ITPK1: variants seen among roughly 807,000 people sequenced by gnomAD.
ITPK1 encodes inositol 1,3,4-trisphosphate 5/6-kinase.
A neutral mutation model predicts 45.3 loss-of-function variants in ITPK1; 21 were observed. The observed-to-expected ratio is 0.46, with a 90% CI of 0.33 to 0.67. The LOEUF is 0.67. ITPK1 is among the 30% of genes least tolerant of loss of function. The pLI, the probability that ITPK1 is intolerant of heterozygous loss-of-function variation, is 0.02. For missense variants in ITPK1, 474 were observed against 573.5 expected (o/e 0.83, Z 1.77); for synonymous variants, 258 against 253.6 (o/e 1.02, Z -0.16).
intron 5 of ITPK1, among the ~76,000 whole-genome samples, chr14:92,973,927 T>C (rs928346378): frequency 6.6e-6 from 1 of 152,188 alleles, no homozygotes; most frequent in Non-Finnish European, 1.5e-5. Context: ...GCTGGAGGGC[T>C]CCAGGCATTC....
rs1047512088 is a variant in ITPK1, at chr14:93,017,504, C to T, written c.121-703G>A. Reference sequence around the variant, plus strand: ...AGATCAGGCCCCAAGAGAGCCAGAGCCTCTGGCCAACAGTCAGCGTCACCT... The same window carrying T: ...AGATCAGGCCCCAAGAGAGCCAGAGTCTCTGGCCAACAGTCAGCGTCACCT... On this transcript the variant is annotated intron_variant, in intron 3 of 10. Transcript: ENST00000267615. Among the ~76,000 whole-genome samples, 15 of 152,360 alleles carry T rather than the reference C, an allele frequency of 9.8e-5. No homozygotes were observed. The East Asian group carries it at 1.7e-3, about 18-fold the overall frequency.
At chr14:93,067,661 G>C (rs1389559103) in intron 3 of ITPK1, 1 of 152,056 alleles carries the variant, frequency 6.6e-6, no homozygotes, top group Non-Finnish European at 1.5e-5. Flanking sequence ...TCCCCACGCT[G>C]TCTTCCAAAA....
In ITPK1 at chr14:92,968,321, C is replaced by G. The variant is rs554099834; in HGVS notation, c.365-5472G>C. On this transcript the variant is annotated intron_variant, in intron 5 of 10. Transcript: ENST00000267615. ...ACTCCAGCCTGGTAACAGAGCGAGACTCTGTCTCAAAAAAAAAATAGAAAG... is the reference window on the plus strand; with the variant it reads ...ACTCCAGCCTGGTAACAGAGCGAGAGTCTGTCTCAAAAAAAAAATAGAAAG... Among the ~76,000 whole-genome samples, 5 of 151,818 alleles carry G rather than the reference C, an allele frequency of 3.3e-5. No homozygotes were observed. In the East Asian group the frequency reaches 7.7e-4, roughly 23 times the overall value.
chr14:93,004,967 C>T lies in ITPK1; in HGVS notation c.247-10970G>A, dbSNP rs540870813. Among the ~76,000 whole-genome samples, 479 of 152,042 alleles carry T rather than the reference C, an allele frequency of 3.2e-3. 3 individuals carry two copies. The highest frequency in any genetic ancestry group is 5.8e-3 in the Non-Finnish European group (391 of 67,992). ...TGCTGGGGGCCTGGCAGGGCTGGGG[C>T]GGACGGCAGTCTCAACATGAAAAGT... On this transcript the variant is annotated intron_variant, in intron 4 of 10. Coordinates refer to ENST00000267615, the MANE Select transcript of ITPK1 (RefSeq NM_014216.6).
rs1887208985 is a variant in ITPK1 at position 92,938,355 on chromosome 14, A to G, written c.*3206T>C. 3 of 737,592 alleles carry G rather than the reference A, an allele frequency of 4.1e-6. No homozygotes were observed. Among genetic ancestry groups the G allele is most frequent in the African/African-American group, 3.5e-5 (2 of 57,874 alleles). 45.7% of individuals were successfully genotyped at this position (737,592 alleles called of 1,614,324 possible). ...GGCCAGTGGCCAATGTGAGTGCCCA[A>G]GAGCCAAGAACTGGTCTTCCAGGCT... On this transcript the variant is annotated 3_prime_UTR_variant, in exon 11 of 11. Transcript: ENST00000267615.
chr14:93,037,962 T>C (rs1420493075), intron 3 of ITPK1, among the ~76,000 whole-genome samples: 1 of 152,258 alleles, frequency 6.6e-6, no homozygotes, highest in Non-Finnish European at 1.5e-5. Context: ...TTAATATTTA[T>C]CTTTGCTAAA....
At chr14:92,966,057 C>T (rs1041659291) in intron 5 of ITPK1, among the ~76,000 whole-genome samples, 5 of 152,214 alleles carry the variant, frequency 3.3e-5, no homozygotes, top group East Asian at 1.9e-4. Context: ...ACTCAGTTGC[C>T]TAAGCTAGAG....
chr14:93,030,287 C>CA (rs1205650879), intron 3 of ITPK1, among the ~76,000 whole-genome samples: 11 of 152,176 alleles, frequency 7.2e-5, no homozygotes, highest in African/African-American at 2.7e-4. Context: ...GCCCTTTATC[C>CA]AAAATGTAAA....
At position 92,940,887 on chromosome 14, in the gene ITPK1, G is replaced by A. The variant is rs1430278174; in HGVS notation, c.*674C>T. 9 of 1,288,642 alleles carry A rather than the reference G, an allele frequency of 7.0e-6. No homozygotes were observed. The highest frequency in any genetic ancestry group is 6.1e-5 in the African/African-American group (4 of 65,958). 79.8% of individuals were successfully genotyped at this position (1,288,642 alleles called of 1,614,324 possible). A position where few individuals can be genotyped will look rare whatever the true frequency, so the allele number is the denominator to read the frequency against. ...ACCGCTGTGCAGGGCTAAATGGGAC[G>A]TGTGTTGGGGGGCCCAGAGGACGCC... On this transcript the variant is annotated 3_prime_UTR_variant, in exon 11 of 11. Coordinates refer to ENST00000267615, the MANE Select transcript of ITPK1 (RefSeq NM_014216.6).
chr14:93,101,965 T>C (rs1892338901), intron 2 of ITPK1, among the ~76,000 whole-genome samples: 1 of 152,224 alleles, frequency 6.6e-6, no homozygotes, highest in South Asian at 2.1e-4. Context: ...GGCATGAAGC[T>C]AGAGCTCCAG....
chr14:92,954,519 C>T (rs1311670692), intron 8 of ITPK1, among the ~76,000 whole-genome samples: 1 of 152,228 alleles, frequency 6.6e-6, no homozygotes, highest in Non-Finnish European at 1.5e-5. Context: ...GCAGTCTGTT[C>T]CTGGACTAGC....
rs951807033 is a variant in ITPK1, at chr14:93,113,249, A to G, written c.95+1820T>C. On this transcript the variant is annotated intron_variant, in intron 2 of 10. Transcript: ENST00000267615. Reference sequence around the variant, plus strand: ...ATGCTCTACTCCCCAGAACGTTGATAGCATAGCTTGCTCTGAACCTCCCAC... The same window carrying G: ...ATGCTCTACTCCCCAGAACGTTGATGGCATAGCTTGCTCTGAACCTCCCAC... Among the ~76,000 whole-genome samples the G allele has an allele frequency of 2.6e-5, 4 of 152,206 alleles. No individual in the cohort carries two copies. In the East Asian group the frequency reaches 5.8e-4, roughly 22 times the overall value.
chr14:93,106,214 A>G (rs1892517281), intron 2 of ITPK1, among the ~76,000 whole-genome samples: 1 of 151,692 alleles, frequency 6.6e-6, no homozygotes, highest in African/African-American at 2.4e-5. Context: ...TCATTTCCAG[A>G]ACACAAAGGC....
At chr14:93,086,271 T>C (rs1468172124) in intron 2 of ITPK1, among the ~76,000 whole-genome samples, 1 of 152,148 alleles carries the variant, frequency 6.6e-6, no homozygotes, top group Non-Finnish European at 1.5e-5. Flanking sequence ...CCCCAGCCTG[T>C]GTCCTGGATG....
At chr14:93,113,705 A>T (rs561261275) in intron 2 of ITPK1, among the ~76,000 whole-genome samples, 1 of 152,218 alleles carries the variant, frequency 6.6e-6, no homozygotes, top group Admixed American at 6.5e-5. Flanking sequence ...GCTCCTCCTG[A>T]TTTCTTCATG....
Position 92,940,070 on chromosome 14 carries a change from C to T in ITPK1, c.*1491G>A, listed in dbSNP as rs188946764. On this transcript the variant is annotated 3_prime_UTR_variant, in exon 11 of 11. Coordinates refer to ENST00000267615, the MANE Select transcript of ITPK1 (RefSeq NM_014216.6). ...GGCAGTTCTGATGGCCTCTGCCCCT[C>T]GCCCAAGCCCTGTGCCTCCCTCCTC... 6.1e-6 allele frequency: 6 copies of T among 985,796 alleles called. No homozygotes were observed. Among genetic ancestry groups the T allele is most frequent in the African/African-American group, 5.2e-5 (3 of 57,354 alleles). The allele number at this position is 985,796 out of a possible 1,614,324, so 61.1% of individuals were successfully genotyped here. A position where few individuals can be genotyped will look rare whatever the true frequency, so the allele number is the denominator to read the frequency against.
chr14:92,949,853 C>G lies in ITPK1; in HGVS notation c.738+2093G>C, dbSNP rs185622493. The stretch of plus-strand genomic sequence containing the variant: ...GACAAGATGCCTGGGGCCCTCAAAG[C>G]AAGTGATCTGATGACGTTCTGGAAA... On this transcript the variant is annotated intron_variant, in intron 9 of 10. Transcript: ENST00000267615. Among the ~76,000 whole-genome samples the G allele has an allele frequency of 4.7e-4, 71 of 152,318 alleles. No individual in the cohort carries two copies. The East Asian group carries it at 0.012, about 25-fold the overall frequency.
chr14:92,987,673 A>C (rs1223235946), intron 5 of ITPK1, among the ~76,000 whole-genome samples: 1 of 152,140 alleles, frequency 6.6e-6, no homozygotes, highest in African/African-American at 2.4e-5. Context: ...AACCTCAACT[A>C]AGTTACCATA....
intron 3 of ITPK1, among the ~76,000 whole-genome samples, chr14:93,038,614 A>G (rs1400137654): frequency 6.6e-6 from 1 of 151,792 alleles, no homozygotes; most frequent in Non-Finnish European, 1.5e-5. Flanking sequence ...TGCAACCTCC[A>G]CCTCCTGGGT....
Sources: gnomAD v4.1 joint callset for allele counts (sites outside exome capture counted in the v4.1 genomes callset) on GRCh38, gnomAD v4.1.1 for gene constraint, MANE v1.5 for transcripts, NCBI Gene and HGNC (gene_info 2026-07-23, HGNC 2026-07-21) for gene names.